GRID1: variants seen among roughly 807,000 people sequenced by gnomAD.
GRID1 encodes the protein glutamate ionotropic receptor delta type subunit 1.
In GRID1, 28 loss-of-function variants were observed where a neutral mutation model predicts 98.0. That is an observed-to-expected ratio of 0.29 (90% confidence interval 0.21 to 0.39). GRID1 has a LOEUF of 0.39. Among genes scored for constraint, GRID1 ranks in the 10% least tolerant of loss-of-function variants. The pLI is 1.00. For synonymous variants in GRID1, 553 were observed against 538.5 expected, an observed-to-expected ratio of 1.03 and a Z score of -0.37; for missense variants, 1,111 against 1,340.5, an observed-to-expected ratio of 0.83 and a Z score of 2.67.
chr10:85,955,609 G>C (rs1842178550), intron 4 of GRID1, among the ~76,000 whole-genome samples: 1 of 152,216 alleles, frequency 6.6e-6, no homozygotes, highest in Non-Finnish European at 1.5e-5. Context: ...GCCTCCAGCT[G>C]TGCCTGGGAT....
At chr10:86,018,528 A>G (rs1710016328) in intron 4 of GRID1, among the ~76,000 whole-genome samples, 3 of 152,236 alleles carry the variant, frequency 2.0e-5, no homozygotes, top group Admixed American at 6.5e-5. Flanking sequence ...AACAAGTCCT[A>G]GGTTCTTGAT....
intron 2 of GRID1, among the ~76,000 whole-genome samples, chr10:86,232,331 G>A (rs948389665): frequency 1.3e-5 from 2 of 152,228 alleles, no homozygotes; most frequent in Non-Finnish European, 2.9e-5. Flanking sequence ...AGGGTTCTCT[G>A]GCTGGCAGTC....
intron 4 of GRID1, among the ~76,000 whole-genome samples, chr10:86,056,214 C>T (rs140677030): frequency 5.5e-4 from 83 of 152,284 alleles, no homozygotes; most frequent in African/African-American, 1.9e-3. Flanking sequence ...CATGGAATTC[C>T]AAGGCTGGAA....
chr10:85,746,354 C>T (rs1440110716), intron 8 of GRID1, among the ~76,000 whole-genome samples: 1 of 152,160 alleles, frequency 6.6e-6, no homozygotes, highest in Non-Finnish European at 1.5e-5. Context: ...AGCAGGATAG[C>T]AGGTTGCATG....
chr10:86,225,424 G>A (rs926162208), intron 2 of GRID1, among the ~76,000 whole-genome samples: 8 of 152,220 alleles, frequency 5.3e-5, no homozygotes, highest in South Asian at 2.1e-4. Flanking sequence ...TATTTATAGC[G>A]TTTAAGCATA....
chr10:86,136,451 GA>G (rs1186513805), intron 4 of GRID1, among the ~76,000 whole-genome samples: 1 of 152,228 alleles, frequency 6.6e-6, no homozygotes, highest in Non-Finnish European at 1.5e-5. Flanking sequence ...AGATGGAAGA[GA>G]GGGGCTCTGG....
intron 8 of GRID1, among the ~76,000 whole-genome samples, chr10:85,812,153 C>T (rs1202626913): frequency 6.6e-6 from 1 of 152,064 alleles, no homozygotes; most frequent in Non-Finnish European, 1.5e-5. Context: ...GCAAAAACTA[C>T]AGGAATGATT....
intron 3 of GRID1, among the ~76,000 whole-genome samples, chr10:86,152,212 A>G (rs747371439): frequency 8.5e-5 from 13 of 152,226 alleles, no homozygotes; most frequent in Non-Finnish European, 1.6e-4. Flanking sequence ...AGAGGATGTC[A>G]GGATCAAAGG....
At chr10:86,094,832 A>G (rs1275635520) in intron 4 of GRID1, among the ~76,000 whole-genome samples, 2 of 130,820 alleles carry the variant, frequency 1.5e-5, no homozygotes, top group African/African-American at 3.7e-5. Context: ...CAGAATTAGA[A>G]AAAAAAAAAA....
chr10:86,080,577 C>T (rs952032283), intron 4 of GRID1, among the ~76,000 whole-genome samples: 25 of 151,902 alleles, frequency 1.6e-4, no homozygotes, highest in Admixed American at 8.5e-4. Context: ...GGTTTTTCAC[C>T]ACTAGGTTTG....
chr10:86,015,006 C>T (rs550921762), intron 4 of GRID1, among the ~76,000 whole-genome samples: 2 of 152,350 alleles, frequency 1.3e-5, no homozygotes, highest in East Asian at 1.9e-4. Context: ...CAAATGCCCA[C>T]TTCCCAGTAA....
At chr10:86,140,156 T>C (rs2131972990) in intron 3 of GRID1, among the ~76,000 whole-genome samples, 2 of 152,292 alleles carry the variant, frequency 1.3e-5, no homozygotes, top group African/African-American at 4.8e-5. Context: ...GGCCATTTTT[T>C]CACAGCCTTG....
chr10:85,617,311 C>A (rs778798380), intron 14 of GRID1, among the ~76,000 whole-genome samples: 11 of 150,744 alleles, frequency 7.3e-5, no homozygotes, highest in Non-Finnish European at 1.5e-4. Context: ...CAGCTCACTG[C>A]AATCTCCACC....
intron 3 of GRID1, among the ~76,000 whole-genome samples, chr10:86,146,111 T>C (rs1302342899): frequency 2.0e-5 from 3 of 152,214 alleles, no homozygotes; most frequent in Non-Finnish European, 4.4e-5. Context: ...TATTTTCAAT[T>C]TCTGAGAAAG....
intron 8 of GRID1, among the ~76,000 whole-genome samples, chr10:85,785,821 C>T (rs767497108): frequency 7.2e-5 from 11 of 152,060 alleles, no homozygotes; most frequent in Non-Finnish European, 1.5e-4. Context: ...GATTGGCTCT[C>T]CTCCACCAGA....
intron 4 of GRID1, among the ~76,000 whole-genome samples, chr10:86,083,264 C>T (rs1341415811): frequency 6.6e-6 from 1 of 152,194 alleles, no homozygotes; most frequent in East Asian, 1.9e-4. Flanking sequence ...GGTACCAGGG[C>T]TCTCGTAGCG....
chr10:85,750,122 A>G (rs1034797383), intron 8 of GRID1, among the ~76,000 whole-genome samples: 7 of 152,230 alleles, frequency 4.6e-5, no homozygotes, highest in Non-Finnish European at 7.3e-5. Context: ...TATTACTATC[A>G]TTACCATAAA....
At chr10:86,022,950 T>C (rs1343223256) in intron 4 of GRID1, among the ~76,000 whole-genome samples, 2 of 152,042 alleles carry the variant, frequency 1.3e-5, no homozygotes, top group African/African-American at 4.8e-5. Flanking sequence ...AAAATTCCTT[T>C]TTTAAGACCT....
intron 8 of GRID1, among the ~76,000 whole-genome samples, chr10:85,854,074 G>C (rs965223758): frequency 6.6e-6 from 1 of 152,092 alleles, no homozygotes; most frequent in Admixed American, 6.5e-5. Flanking sequence ...TTTTCTGTTT[G>C]TGGCCTTGTC....
Sources: gnomAD v4.1 joint callset for allele counts (sites outside exome capture counted in the v4.1 genomes callset) on GRCh38, gnomAD v4.1.1 for gene constraint, MANE v1.5 for transcripts, NCBI Gene and HGNC (gene_info 2026-07-23, HGNC 2026-07-21) for gene names.